IMMP2L: variants seen among roughly 807,000 people sequenced by gnomAD.
IMMP2L encodes the protein mitochondrial inner membrane protease subunit 2.
Under a neutral mutation model 19.3 loss-of-function variants are expected in IMMP2L, and 18 were observed. That is an observed-to-expected ratio of 0.93 (90% CI 0.64 to 1.38). The LOEUF is 1.38. Ranked by LOEUF, IMMP2L falls within the 40% of genes most tolerant of loss-of-function variation. The pLI, the probability that IMMP2L is intolerant of heterozygous loss-of-function variation, is 0.00. For synonymous variants in IMMP2L, 76 were observed against 73.0 expected, an observed-to-expected ratio of 1.04 and a Z score of -0.21; for missense variants, 233 against 218.2, an observed-to-expected ratio of 1.07 and a Z score of -0.43.
At chr7:111,282,852 G>A (rs563126677) in intron 3 of IMMP2L, among the ~76,000 whole-genome samples, 4 of 152,126 alleles carry the variant, frequency 2.6e-5, no homozygotes, top group African/African-American at 9.6e-5. Context: ...CTAAGTGCTG[G>A]GATTATAGGC....
rs201925401 is a variant in IMMP2L at position 111,105,760 on chromosome 7, G to GA, written c.240-142196dup. Among the ~76,000 whole-genome samples, 124 of 150,592 alleles carry GA rather than the reference G, an allele frequency of 8.2e-4. 1 individual carries two copies. The highest frequency in any genetic ancestry group is 3.4e-3 in the Middle Eastern group (1 of 292). On this transcript the variant is annotated intron_variant, in intron 3 of 5. Transcript: ENST00000405709. ...TAACAATTTATGCAAAAGGTGAAAAGAAAAAAAAATCCATAAAAATATAAA... is the reference window on the plus strand; with the variant it reads ...TAACAATTTATGCAAAAGGTGAAAAGAAAAAAAAAATCCATAAAAATATAAA...
At chr7:111,218,212 G>A (rs214467) in intron 3 of IMMP2L, among the ~76,000 whole-genome samples, 100,967 of 151,892 alleles carry the variant, frequency 0.66, 34,360 homozygotes, top group African/African-American at 0.79. Flanking sequence ...GCTCTGTTCT[G>A]AAGTTTTCTT....
chr7:110,670,415 T>C (rs1791813351), intron 5 of IMMP2L, among the ~76,000 whole-genome samples: 1 of 151,488 alleles, frequency 6.6e-6, no homozygotes, highest in Non-Finnish European at 1.5e-5. Flanking sequence ...CGCAGCCGGG[T>C]GTGGTGGCTC....
chr7:110,911,753 A>C (rs549695806), intron 4 of IMMP2L, among the ~76,000 whole-genome samples: 1 of 152,240 alleles, frequency 6.6e-6, no homozygotes, highest in African/African-American at 2.4e-5. Context: ...AGCTTTACCC[A>C]TATTTATCAA....
At chr7:110,857,651 C>A (rs1052216262) in intron 5 of IMMP2L, among the ~76,000 whole-genome samples, 3 of 151,990 alleles carry the variant, frequency 2.0e-5, no homozygotes, top group African/African-American at 7.2e-5. Flanking sequence ...CTTTATTAGT[C>A]TTATGAGTAC....
chr7:110,913,830 G>A (rs907535665), intron 4 of IMMP2L, among the ~76,000 whole-genome samples: 1 of 152,054 alleles, frequency 6.6e-6, no homozygotes, highest in Non-Finnish European at 1.5e-5. Flanking sequence ...TGCAAAATGA[G>A]GACTGTAAAT....
chr7:111,325,780 T>C (rs1242370686), intron 3 of IMMP2L, among the ~76,000 whole-genome samples: 1 of 151,746 alleles, frequency 6.6e-6, no homozygotes, highest in African/African-American at 2.4e-5. Context: ...TCTATTCCCT[T>C]GACCCCTTTT....
intron 5 of IMMP2L, among the ~76,000 whole-genome samples, chr7:110,828,273 C>G (rs1444447823): frequency 6.6e-6 from 1 of 152,164 alleles, no homozygotes; most frequent in Non-Finnish European, 1.5e-5. Flanking sequence ...CCAGATACGG[C>G]CCACGGGCCA....
chr7:111,556,040 A>ATATATATATATG (rs1264908580), intron 1 of IMMP2L, among the ~76,000 whole-genome samples: 4 of 139,356 alleles, frequency 2.9e-5, no homozygotes, highest in Non-Finnish European at 4.7e-5. Context: ...ATATATACAT[A>ATATATATATATG]CCCAAAGAAA....
At chr7:110,723,970 G>C (rs549870883) in intron 5 of IMMP2L, among the ~76,000 whole-genome samples, 1 of 151,878 alleles carries the variant, frequency 6.6e-6, no homozygotes, top group Non-Finnish European at 1.5e-5. Flanking sequence ...TTAATAGAAA[G>C]AGCTTATAAG....
rs1584906179 is a variant in IMMP2L, at chr7:111,387,127, T to G, written c.239+100111A>C. Among the ~76,000 whole-genome samples the G allele has an allele frequency of 2.6e-5, 4 of 152,260 alleles. No individual in the cohort carries two copies. The Middle Eastern group carries it at 0.01, about 388-fold the overall frequency. ...TGTTCAAACACTCTAAGGATAAAAGTACTGTTTTCAAAAATGATGAGGTTC... is the reference window on the plus strand; with the variant it reads ...TGTTCAAACACTCTAAGGATAAAAGGACTGTTTTCAAAAATGATGAGGTTC... On this transcript the variant is annotated intron_variant, in intron 3 of 5. Coordinates refer to ENST00000405709, the MANE Select transcript of IMMP2L (RefSeq NM_032549.4).
intron 1 of IMMP2L, among the ~76,000 whole-genome samples, chr7:111,533,644 A>C (rs911727743): frequency 6.6e-6 from 1 of 152,196 alleles, no homozygotes; most frequent in African/African-American, 2.4e-5. Context: ...AATTAGCTAC[A>C]ATTTGGAAGG....
At chr7:111,526,247 A>C (rs1332710639) in intron 1 of IMMP2L, among the ~76,000 whole-genome samples, 1 of 152,186 alleles carries the variant, frequency 6.6e-6, no homozygotes, top group Non-Finnish European at 1.5e-5. Flanking sequence ...AACTCTCACT[A>C]AACAATACCT....
intron 3 of IMMP2L, among the ~76,000 whole-genome samples, chr7:111,343,389 T>C (rs1209837749): frequency 6.6e-6 from 1 of 152,082 alleles, no homozygotes; most frequent in African/African-American, 2.4e-5. Context: ...TCTGAGCTTT[T>C]CAGATTCTGG....
chr7:111,093,231 C>G (rs1043124418), intron 3 of IMMP2L, among the ~76,000 whole-genome samples: 1 of 152,172 alleles, frequency 6.6e-6, no homozygotes. Flanking sequence ...GAAGCATCAG[C>G]TTGCAATATT....
chr7:110,703,847 T>C (rs774384613), intron 5 of IMMP2L, among the ~76,000 whole-genome samples: 5 of 151,972 alleles, frequency 3.3e-5, no homozygotes, highest in Non-Finnish European at 7.4e-5. Flanking sequence ...CTTAAGAGAA[T>C]AATTTTTTTT....
intron 3 of IMMP2L, among the ~76,000 whole-genome samples, chr7:111,270,622 T>C (rs776604839): frequency 7.2e-5 from 11 of 152,182 alleles, no homozygotes; most frequent in Non-Finnish European, 1.2e-4. Flanking sequence ...TTAAAAGGCT[T>C]ACCAAATAGC....
chr7:110,963,448 C>G, intron 4 of IMMP2L, 52 bp downstream of exon 4: 3 of 1,282,964 alleles, frequency 2.3e-6, no homozygotes, highest in Non-Finnish European at 3.3e-6. Flanking sequence ...ATGTAGGTAA[C>G]AGAACTCTAG....
chr7:111,411,652 T>C (rs934837799), intron 3 of IMMP2L: 10 of 242,644 alleles, frequency 4.1e-5, no homozygotes, highest in Non-Finnish European at 8.4e-5. Context: ...CTGTCCACCA[T>C]TGCATCACCA....
Sources: allele counts gnomAD v4.1 joint callset (sites outside exome capture counted in the v4.1 genomes callset), GRCh38; gene constraint gnomAD v4.1.1; transcripts MANE v1.5; gene names NCBI Gene and HGNC (gene_info 2026-07-23, HGNC 2026-07-21).